The following TSHR variants were observed in gnomAD, a reference collection of about 807,000 sequenced individuals.
TSHR encodes thyrotropin receptor.
A neutral mutation model predicts 64.1 loss-of-function variants in TSHR; 51 were observed. The observed-to-expected ratio is 0.80, with a 90% CI of 0.64 to 1.01. TSHR has a LOEUF of 1.01. Ranked by LOEUF, TSHR falls within the 50% of genes least tolerant of loss-of-function variation. The pLI is 0.00. For missense variants in TSHR, 877 were observed against 942.8 expected (o/e 0.93, Z 0.91); for synonymous variants, 361 against 361.9 (o/e 1.00, Z 0.03).
intron 7 of TSHR, among the ~76,000 whole-genome samples, chr14:81,106,384 C>G (rs1355867765): frequency 6.6e-6 from 1 of 152,174 alleles, no homozygotes; most frequent in Non-Finnish European, 1.5e-5. Flanking sequence ...TTTAACACTG[C>G]CCACTTTACT....
chr14:81,077,081 T>G (rs771907062), intron 3 of TSHR, among the ~76,000 whole-genome samples: 1 of 152,124 alleles, frequency 6.6e-6, no homozygotes, highest in Non-Finnish European at 1.5e-5. Flanking sequence ...TTCAGCCTAA[T>G]TATGACCTAC....
At chr14:81,025,508 C>T (rs1884003417) in intron 1 of TSHR, among the ~76,000 whole-genome samples, 1 of 151,872 alleles carries the variant, frequency 6.6e-6, no homozygotes, top group African/African-American at 2.4e-5. Context: ...AAATCTGAAG[C>T]TGTTTCTATG....
At chr14:80,990,212 C>A (rs1888657339) in intron 1 of TSHR, among the ~76,000 whole-genome samples, 1 of 152,216 alleles carries the variant, frequency 6.6e-6, no homozygotes, top group Non-Finnish European at 1.5e-5. Flanking sequence ...GGCTAAGGGA[C>A]AATGCAGTGA....
intron 1 of TSHR, among the ~76,000 whole-genome samples, chr14:81,015,860 G>A (rs951752673): frequency 6.6e-6 from 1 of 151,640 alleles, no homozygotes; most frequent in African/African-American, 2.4e-5. Flanking sequence ...CTACATATAA[G>A]TGAGATCATG....
At chr14:81,088,101 G>A in intron 4 of TSHR, 73 bp downstream of exon 4, 1 of 1,206,520 alleles carries the variant, frequency 8.3e-7, no homozygotes. Flanking sequence ...TGTCTCCCAG[G>A]AATCTCCCTA....
intron 1 of TSHR, among the ~76,000 whole-genome samples, chr14:80,957,346 T>C (rs1231939893): frequency 6.6e-6 from 1 of 152,072 alleles, no homozygotes; most frequent in African/African-American, 2.4e-5. Flanking sequence ...TCTACTTTCT[T>C]GTAACTTGTT....
At chr14:81,015,742 C>T (rs1477129802) in intron 1 of TSHR, among the ~76,000 whole-genome samples, 4 of 151,940 alleles carry the variant, frequency 2.6e-5, no homozygotes, top group East Asian at 1.9e-4. Flanking sequence ...CCTGTCTAAC[C>T]GAAATTTTGT....
Position 81,068,278 on chromosome 14 carries a change from G to T in TSHR, c.267G>T (p.Leu89=), listed in dbSNP as rs749182960. 2.5e-6 allele frequency: 4 copies of T among 1,612,994 alleles called. No homozygotes were observed. The highest frequency in any genetic ancestry group is 1.7e-4 in the Middle Eastern group (1 of 6,058). ...GCTACGTATCTATAGATGTGACTCTGCAGCAGCTGGAATCACACTCCTTCT... is the reference window on the plus strand; with the variant it reads ...GCTACGTATCTATAGATGTGACTCTTCAGCAGCTGGAATCACACTCCTTCT... ...SRIYVSIDVT[L]QQLESHSFYN... is the part of the protein sequence containing the mutation. The change falls in exon 3 of 10, where the codon CTG becomes CTT. Residue 89 remains leucine (L), a synonymous_variant. Coordinates refer to ENST00000298171, the MANE Select transcript of TSHR (RefSeq NM_000369.5).
intron 3 of TSHR, among the ~76,000 whole-genome samples, chr14:81,071,051 C>T (rs1360186829): frequency 6.6e-6 from 1 of 152,180 alleles, no homozygotes; most frequent in African/African-American, 2.4e-5. Flanking sequence ...CTGTTCTTTG[C>T]TCTGCATGAT....
chr14:81,058,722 A>G lies in TSHR; in HGVS notation c.171-3426A>G, dbSNP rs188561190. Among the ~76,000 whole-genome samples, 16 of 152,346 alleles carry G rather than the reference A, an allele frequency of 1.1e-4. No homozygotes were observed. The East Asian group carries it at 3.1e-3, about 29-fold the overall frequency. ...TGAAGATTTTCTAATATTTTTGTCA[A>G]AAGAATACACATGTAGATGTGTACT... On this transcript the variant is annotated intron_variant, in intron 1 of 9. Transcript: ENST00000298171.
At chr14:81,014,186 A>C (rs890309877) in intron 1 of TSHR, 1 of 152,172 alleles carries the variant, frequency 6.6e-6, no homozygotes, top group African/African-American at 2.4e-5. Flanking sequence ...TGTAGTCTTG[A>C]AGTAAAAACA....
At chr14:81,128,081 A>G (rs1891089324) in intron 8 of TSHR, among the ~76,000 whole-genome samples, 1 of 152,226 alleles carries the variant, frequency 6.6e-6, no homozygotes, top group South Asian at 2.1e-4. Flanking sequence ...CTTATAAGAA[A>G]TGATTGTAGT....
At position 81,120,019 on chromosome 14, in the gene TSHR, G is replaced by A. The variant is rs567591116; in HGVS notation, c.692+11567G>A. Reference sequence around the variant, plus strand: ...ACAGGAAGGGGAACATCACACTCTGGGGACTGTTGTGGGGTGGGGGGAGGG... The same window carrying A: ...ACAGGAAGGGGAACATCACACTCTGAGGACTGTTGTGGGGTGGGGGGAGGG... On this transcript the variant is annotated intron_variant, in intron 8 of 9. Transcript: ENST00000298171. Among the ~76,000 whole-genome samples the A allele has an allele frequency of 3.9e-3, 444 of 112,840 alleles. 4 individuals are homozygous for A. Among genetic ancestry groups the A allele is most frequent in the Middle Eastern group, 0.026 (7 of 268 alleles). The allele number at this position is 112,840 out of a possible 152,430, so 74.0% of individuals were successfully genotyped here. A position where few individuals can be genotyped will look rare whatever the true frequency, so the allele number is the denominator to read the frequency against.
chr14:81,058,219 T>G (rs1437925858), intron 1 of TSHR, among the ~76,000 whole-genome samples: 1 of 152,252 alleles, frequency 6.6e-6, no homozygotes, highest in Non-Finnish European at 1.5e-5. Flanking sequence ...TTTACATGCA[T>G]GTCAATTTCT....
At chr14:81,140,255 A>G (rs763469609) in intron 9 of TSHR, among the ~76,000 whole-genome samples, 4 of 152,136 alleles carry the variant, frequency 2.6e-5, no homozygotes, top group Non-Finnish European at 1.5e-5. Context: ...TATAAACAAC[A>G]CAAACAGTTG....
intron 1 of TSHR, among the ~76,000 whole-genome samples, chr14:80,966,138 G>A (rs1360577730): frequency 6.6e-6 from 1 of 152,152 alleles, no homozygotes; most frequent in Non-Finnish European, 1.5e-5. Context: ...TGCAACTCCA[G>A]CGAGGAGACT....
chr14:81,109,242 C>T (rs564355658), intron 8 of TSHR, among the ~76,000 whole-genome samples: 2 of 151,954 alleles, frequency 1.3e-5, no homozygotes, highest in Non-Finnish European at 2.9e-5. Context: ...ACCCTGTCTC[C>T]ACTAAAAATA....
chr14:81,097,569 A>G (rs1478649515), intron 7 of TSHR, among the ~76,000 whole-genome samples: 2 of 152,166 alleles, frequency 1.3e-5, no homozygotes, highest in Non-Finnish European at 2.9e-5. Flanking sequence ...ACTGCTGTTC[A>G]TAGACCACAC....
At chr14:81,062,950 C>T (rs966325162) in intron 2 of TSHR, among the ~76,000 whole-genome samples, 3 of 152,102 alleles carry the variant, frequency 2.0e-5, no homozygotes, top group Non-Finnish European at 2.9e-5. Flanking sequence ...CAACCACAGA[C>T]GACTCTACCC....
Sources: gnomAD v4.1 joint callset for allele counts (sites outside exome capture counted in the v4.1 genomes callset) on GRCh38, gnomAD v4.1.1 for gene constraint, MANE v1.5 for transcripts, NCBI Gene and HGNC (gene_info 2026-07-23, HGNC 2026-07-21) for gene names.